CHM: variants seen among roughly 807,000 people sequenced by gnomAD.
CHM encodes the protein CHM Rab escort protein, also known as rab proteins geranylgeranyltransferase component A 1.
CHM carries 10 observed loss-of-function variants against 49.0 expected under a neutral mutation model. The observed-to-expected ratio is 0.20, with a 90% CI of 0.13 to 0.35. The LOEUF (loss-of-function observed/expected upper bound fraction) is 0.35, where lower values mean the gene tolerates loss of function less well. CHM is among the 10% of genes least tolerant of loss of function. The pLI is 1.00. For missense variants in CHM, 455 were observed against 478.4 expected (o/e 0.95, Z 0.46); for synonymous variants, 184 against 167.5 (o/e 1.10, Z -0.76).
chrX:85,920,253 A>G (rs753574162), intron 8 of CHM, among the ~76,000 whole-genome samples: 229 of 108,906 alleles, frequency 2.1e-3, no homozygotes, highest in African/African-American at 6.6e-3. Context: ...CCACCACCAC[A>G]CCCAGCTAAT....
chrX:85,942,822 C>CA lies in CHM; in HGVS notation c.1166+13330dup, dbSNP rs774983406. ...ATGTGCACAACATGCAGGTTTGTTGCATATGTATACATGTGCCATGTTGGT... is the reference window on the plus strand; with the variant it reads ...ATGTGCACAACATGCAGGTTTGTTGCAATATGTATACATGTGCCATGTTGGT... On this transcript the variant is annotated intron_variant, in intron 8 of 14. Coordinates refer to ENST00000357749, the MANE Select transcript of CHM (RefSeq NM_000390.4). 5.0e-4 allele frequency among the ~76,000 whole-genome samples: 54 copies of CA among 107,689 alleles called. 1 individual carries two copies. In the Middle Eastern group the frequency reaches 0.014, roughly 28 times the overall value. 93.5% of individuals were successfully genotyped at this position (107,689 alleles called of 115,157 possible).
At position 85,873,190 on chromosome X, in the gene CHM, T is replaced by C; in HGVS notation, c.1632A>G (p.Pro544=). ...TGAAGTAAAGAGCCCACAGAATTCT[T>C]GGCTTTTCTACTTGTTCATTTTCTA... ...MEIENEQVEK[P]RILWALYFNM... is the part of the protein sequence containing the mutation. Residue 544 remains proline (P), a synonymous_variant, in exon 14 of 15, where the codon CCA becomes CCG. Coordinates refer to ENST00000357749, the MANE Select transcript of CHM (RefSeq NM_000390.4). 2 of 1,189,372 alleles carry C rather than the reference T, an allele frequency of 1.7e-6. No homozygotes were observed. Among genetic ancestry groups the C allele is most frequent in the Non-Finnish European group, 1.1e-6 (1 of 878,646 alleles).
chrX:86,006,683 C>T (rs1932862513), intron 2 of CHM, among the ~76,000 whole-genome samples: 1 of 111,257 alleles, frequency 9.0e-6, no homozygotes, highest in Non-Finnish European at 1.9e-5. Context: ...AATAAAATAC[C>T]TAGGAATACA....
chrX:85,909,192 C>A (rs1486932143), intron 9 of CHM, among the ~76,000 whole-genome samples: 1 of 111,724 alleles, frequency 9.0e-6, no homozygotes, highest in Non-Finnish European at 1.9e-5. Context: ...CAAGACATGT[C>A]TTTCTATGAA....
At chrX:85,971,874 GAGC>G (rs1930935108) in intron 4 of CHM, among the ~76,000 whole-genome samples, 3 of 110,364 alleles carry the variant, frequency 2.7e-5, no homozygotes, top group Admixed American at 9.5e-5. Context: ...GGCCCCACCA[GAGC>G]AGCTAGATAC....
In CHM at chrX:85,953,724, G is replaced by A. The variant is rs1929868123; in HGVS notation, c.1166+2429C>T. On this transcript the variant is annotated intron_variant, in intron 8 of 14. Transcript: ENST00000357749. The stretch of plus-strand genomic sequence containing the variant: ...TGGGGTAACTGGATATCTGTATGCA[G>A]AAAAATGAAACTAGACCCCTATCTT... Among the ~76,000 whole-genome samples the A allele has an allele frequency of 5.4e-5, 6 of 111,929 alleles. No individual in the cohort carries two copies. In the Admixed American group the frequency reaches 5.7e-4, roughly 11 times the overall value.
intron 14 of CHM, among the ~76,000 whole-genome samples, chrX:85,866,471 C>G (rs1923704582): frequency 1.8e-5 from 2 of 112,894 alleles, no homozygotes; most frequent in South Asian, 7.2e-4. Context: ...TGGAGAACCT[C>G]TGCTAGGGCA....
intron 2 of CHM, among the ~76,000 whole-genome samples, chrX:86,005,747 G>A (rs950849480): frequency 8.1e-5 from 9 of 111,694 alleles, no homozygotes; most frequent in African/African-American, 2.6e-4. Context: ...CCAATAACAG[G>A]CTCTGAAATT....
intron 11 of CHM, among the ~76,000 whole-genome samples, chrX:85,900,008 G>T (rs1477862055): frequency 2.7e-5 from 3 of 110,384 alleles, no homozygotes; most frequent in Admixed American, 9.7e-5. Flanking sequence ...CAGTATGGAG[G>T]TTCCACAAAA....
At chrX:86,011,501 G>T (rs1355032662) in intron 2 of CHM, among the ~76,000 whole-genome samples, 1 of 111,439 alleles carries the variant, frequency 9.0e-6, no homozygotes, top group Non-Finnish European at 1.9e-5. Flanking sequence ...TAAACTTGGA[G>T]CACAAGTAAA....
In CHM at chrX:85,958,870, T is replaced by A; in HGVS notation, c.810A>T (p.Arg270=). Residue 270 remains arginine (R), a synonymous_variant, in exon 6 of 15, where the codon CGA becomes CGT. Coordinates refer to ENST00000357749, the MANE Select transcript of CHM (RefSeq NM_000390.4). The stretch of plus-strand genomic sequence containing the variant: ...TTGATCAGCACAGTACCTGTTCCAC[T>A]CGTCCTTCTCGAAATGCAAGAATCC... ...ITRILAFREG[R]VEQVPCSRAD... The A allele has an allele frequency of 5.8e-6, 7 of 1,211,464 alleles. No individual in the cohort carries two copies. The highest frequency in any genetic ancestry group is 7.8e-6 in the Non-Finnish European group (7 of 895,349).
intron 4 of CHM, among the ~76,000 whole-genome samples, chrX:85,968,916 T>C (rs940804660): frequency 8.9e-5 from 10 of 112,168 alleles, no homozygotes; most frequent in Non-Finnish European, 1.7e-4. Flanking sequence ...TAAAACACAC[T>C]TAACTGTAGA....
At chrX:85,896,324 C>T (rs1433635723) in intron 11 of CHM, among the ~76,000 whole-genome samples, 1 of 110,627 alleles carries the variant, frequency 9.0e-6, no homozygotes, top group East Asian at 2.8e-4. Context: ...TGATGAGAAC[C>T]TAACTGAACA....
At position 85,863,284 on chromosome X, in the gene CHM, G is replaced by T. The variant is rs925951466; in HGVS notation, c.*1346C>A. 7 of 111,246 alleles carry T rather than the reference G, an allele frequency of 6.3e-5. No individual in the cohort carries two copies. The highest frequency in any genetic ancestry group is 2.3e-4 in the African/African-American group (7 of 30,568). 9.2% of individuals were successfully genotyped at this position (111,246 alleles called of 1,213,427 possible). Reference sequence around the variant, plus strand: ...AATTTTGTATTTTTAGTAGAGACAGGGTTTCGCCATGTTGGCCAGGCTGGT... The same window carrying T: ...AATTTTGTATTTTTAGTAGAGACAGTGTTTCGCCATGTTGGCCAGGCTGGT... On this transcript the variant is annotated 3_prime_UTR_variant, in exon 15 of 15. Coordinates refer to ENST00000357749, the MANE Select transcript of CHM (RefSeq NM_000390.4).
Position 85,903,795 on chromosome X carries a change from T to A in CHM, c.1245-2607A>T, listed in dbSNP as rs141029572. The A allele has an allele frequency of 4.2e-3, 1,334 of 316,711 alleles. 17 individuals carry two copies. The East Asian group carries it at 0.043, about 10-fold the overall frequency. The allele number at this position is 316,711 out of a possible 1,213,427, so 26.1% of individuals were successfully genotyped here. A position where few individuals can be genotyped will look rare whatever the true frequency, so the allele number is the denominator to read the frequency against. On this transcript the variant is annotated intron_variant, in intron 9 of 14. Transcript: ENST00000357749. ...TGCTAGGTGGAGAAAAATCAAGGGC[T>A]ATTGGTACAGATAAAATATTTGTTT...
intron 1 of CHM, among the ~76,000 whole-genome samples, chrX:86,037,734 C>CA (rs1934306577): frequency 9.1e-6 from 1 of 110,049 alleles, no homozygotes; most frequent in South Asian, 3.8e-4. Context: ...AATCATTTTA[C>CA]AAAAAATAGA....
At chrX:85,915,658 T>A (rs182630082) in intron 8 of CHM, among the ~76,000 whole-genome samples, 2 of 111,528 alleles carry the variant, frequency 1.8e-5, no homozygotes, top group African/African-American at 6.5e-5. Flanking sequence ...CCAACAACTG[T>A]CAAGCTGAGA....
chrX:86,039,695 T>C (rs1934385309), intron 1 of CHM, among the ~76,000 whole-genome samples: 2 of 110,469 alleles, frequency 1.8e-5, no homozygotes, highest in Admixed American at 1.9e-4. Context: ...CCCGTGCGAA[T>C]GTTGCCTTTT....
chrX:86,032,579 T>G (rs1374409850), intron 1 of CHM, among the ~76,000 whole-genome samples: 1 of 112,140 alleles, frequency 8.9e-6, no homozygotes, highest in Non-Finnish European at 1.9e-5. Flanking sequence ...AATAACCTTT[T>G]CTTTATGTAA....
Sources: allele counts gnomAD v4.1 joint callset (sites outside exome capture counted in the v4.1 genomes callset), GRCh38; gene constraint gnomAD v4.1.1; transcripts MANE v1.5; gene names NCBI Gene and HGNC (gene_info 2026-07-23, HGNC 2026-07-21).